Variants in SNAP91 observed in about 807,000 individuals in gnomAD.
SNAP91 encodes clathrin coat assembly protein AP180.
SNAP91 carries 27 observed loss-of-function variants against 100.3 expected under a neutral mutation model. The observed-to-expected ratio is 0.27, with a 90% CI of 0.20 to 0.37. SNAP91 has a LOEUF of 0.37. Among genes scored for constraint, SNAP91 ranks in the 10% least tolerant of loss-of-function variants. SNAP91 has a pLI of 1.00. For synonymous variants in SNAP91, 404 were observed against 398.6 expected (o/e 1.01, Z -0.16); for missense variants, 986 against 1,123.7 (o/e 0.88, Z 1.75).
chr6:83,590,929 A>T (rs1447820788), intron 22 of SNAP91, among the ~76,000 whole-genome samples: 3 of 152,066 alleles, frequency 2.0e-5, no homozygotes, highest in Non-Finnish European at 4.4e-5. Flanking sequence ...ATTATTTTTT[A>T]AAAACAATTT....
chr6:83,623,650 A>G (rs1319256961), intron 8 of SNAP91, among the ~76,000 whole-genome samples: 1 of 152,124 alleles, frequency 6.6e-6, no homozygotes, highest in East Asian at 1.9e-4. Context: ...TCAAAATGTA[A>G]AACACTGCTT....
chr6:83,580,615 A>T lies in SNAP91; in HGVS notation c.2150-16T>A. ...CCATCAAACACTGGAAATCAAATAG[A>T]CTAGGTTCAGAATAATTGAAAACAA... On this transcript the variant is annotated splice_polypyrimidine_tract_variant and intron_variant, in intron 23 of 29. Transcript: ENST00000369694. 6.3e-7 allele frequency: 1 copy of T among 1,593,378 alleles called. No individual in the cohort carries two copies. The highest frequency in any genetic ancestry group is 8.5e-7 in the Non-Finnish European group (1 of 1,171,896).
intron 26 of SNAP91, among the ~76,000 whole-genome samples, chr6:83,566,843 T>C (rs1230163881): frequency 6.6e-6 from 1 of 152,196 alleles, no homozygotes; most frequent in Non-Finnish European, 1.5e-5. Flanking sequence ...GGTCCTTCTA[T>C]TCTGATCAAC....
intron 12 of SNAP91, among the ~76,000 whole-genome samples, 159 bp downstream of exon 12, chr6:83,610,491 T>C (rs1271348483): frequency 4.7e-5 from 7 of 149,852 alleles, no homozygotes; most frequent in Admixed American, 2.7e-4. Context: ...ATGGTATAGT[T>C]ACAGTTTTGA....
intron 8 of SNAP91, among the ~76,000 whole-genome samples, chr6:83,638,858 C>T (rs1031639018): frequency 3.9e-5 from 6 of 152,114 alleles, no homozygotes; most frequent in East Asian, 1.9e-4. Context: ...CCTACGATTC[C>T]GATATCTACC....
chr6:83,570,409 G>A (rs1351245734), intron 26 of SNAP91, among the ~76,000 whole-genome samples: 11 of 152,198 alleles, frequency 7.2e-5, no homozygotes, highest in African/African-American at 7.2e-5. Flanking sequence ...ATTTTCTGAG[G>A]AGAAATTCAA....
chr6:83,708,819 G>A (rs2099416039), intron 1 of SNAP91, 26 bp downstream of exon 1: 1 of 152,054 alleles, frequency 6.6e-6, no homozygotes, highest in African/African-American at 2.4e-5. Flanking sequence ...GCGGGGAGGG[G>A]GCCGAGTACG....
chr6:83,624,584 G>T (rs947124553), intron 8 of SNAP91, among the ~76,000 whole-genome samples: 3 of 152,090 alleles, frequency 2.0e-5, no homozygotes, highest in Non-Finnish European at 4.4e-5. Context: ...GGGTTTCTCA[G>T]TCTTGGCACT....
chr6:83,613,684 A>C (rs933270810), intron 11 of SNAP91, among the ~76,000 whole-genome samples: 9 of 152,318 alleles, frequency 5.9e-5, no homozygotes, highest in Middle Eastern at 3.4e-3. Flanking sequence ...TCCACATTCC[A>C]ACCCCCAAAA....
chr6:83,628,098 C>T (rs569261936), intron 8 of SNAP91, among the ~76,000 whole-genome samples: 168 of 151,756 alleles, frequency 1.1e-3, no homozygotes, highest in African/African-American at 3.9e-3. Context: ...TAAGTGAGAA[C>T]ATATAATGTT....
intron 1 of SNAP91, 64 bp from the exon 2 acceptor site, chr6:83,708,021 G>A: frequency 2.2e-6 from 3 of 1,385,838 alleles, no homozygotes; most frequent in Non-Finnish European, 2.8e-6. Context: ...AAGCACCCAG[G>A]CCTTGCCTCC....
At chr6:83,642,197 A>G (rs914001193) in intron 7 of SNAP91, among the ~76,000 whole-genome samples, 8 of 151,478 alleles carry the variant, frequency 5.3e-5, no homozygotes, top group Non-Finnish European at 1.0e-4. Context: ...ATTTATATAT[A>G]TATTTATTAT....
At chr6:83,697,441 G>A (rs1252766952) in intron 2 of SNAP91, among the ~76,000 whole-genome samples, 2 of 151,796 alleles carry the variant, frequency 1.3e-5, no homozygotes. Flanking sequence ...TGTACTGAGA[G>A]AAGTCCACAT....
In SNAP91 at chr6:83,610,742, T is replaced by TAA. The variant is rs1214743909; in HGVS notation, c.885-66_885-65insTT. On this transcript the variant is annotated intron_variant, in intron 11 of 29. Coordinates refer to ENST00000369694, the MANE Select transcript of SNAP91 (RefSeq NM_001242792.2). ...ATATATATATATATATATATATATA[T>TAA]ATATAAATATATATGTGAATATATT... 4 of 155,110 alleles carry TAA rather than the reference T, an allele frequency of 2.6e-5. No individual in the cohort carries two copies. In the South Asian group the frequency reaches 8.3e-4, roughly 32 times the overall value. 9.6% of individuals were successfully genotyped at this position (155,110 alleles called of 1,614,324 possible).
chr6:83,655,412 C>T lies in SNAP91; in HGVS notation c.658+1342G>A, dbSNP rs142572611. Among the ~76,000 whole-genome samples the T allele has an allele frequency of 3.3e-5, 5 of 152,250 alleles. No homozygotes were observed. The East Asian group carries it at 9.6e-4, about 29-fold the overall frequency. ...GATGCCACGTGGGGCTCTGTTTCAG[C>T]AGATCTAAAGGTACTTAAAGTGTGT... On this transcript the variant is annotated intron_variant, in intron 7 of 29. Coordinates refer to ENST00000369694, the MANE Select transcript of SNAP91 (RefSeq NM_001242792.2).
At chr6:83,572,361 C>A (rs1476719842) in intron 26 of SNAP91, among the ~76,000 whole-genome samples, 1 of 152,184 alleles carries the variant, frequency 6.6e-6, no homozygotes, top group Non-Finnish European at 1.5e-5. Context: ...ATTCTCCCAC[C>A]TCAGCCTCCT....
At chr6:83,690,329 A>G in intron 2 of SNAP91, 1 of 1,261,776 alleles carries the variant, frequency 7.9e-7, no homozygotes, top group South Asian at 1.3e-5. Flanking sequence ...ACAACTTTTT[A>G]AAAGACTTGT....
chr6:83,602,839 C>T (rs1244009557), intron 14 of SNAP91, among the ~76,000 whole-genome samples: 2 of 151,988 alleles, frequency 1.3e-5, no homozygotes, highest in Non-Finnish European at 2.9e-5. Context: ...TAAAAACGTA[C>T]TCCCTGGGGC....
At position 83,560,215 on chromosome 6, in the gene SNAP91, A is replaced by C; in HGVS notation, c.2527-7T>G. The C allele has an allele frequency of 6.2e-7, 1 of 1,610,810 alleles. No homozygotes were observed. Among genetic ancestry groups the C allele is most frequent in the Non-Finnish European group, 8.5e-7 (1 of 1,177,338 alleles). On this transcript the variant is annotated splice_polypyrimidine_tract_variant and splice_region_variant and intron_variant, in intron 27 of 29. Coordinates refer to ENST00000369694, the MANE Select transcript of SNAP91 (RefSeq NM_001242792.2). Reference sequence around the variant, plus strand: ...TGCCTGTCCCAGCAGGAGGCTGAGGAGGAAGAATGGAGAGTGGTTCAGAGC... The same window carrying C: ...TGCCTGTCCCAGCAGGAGGCTGAGGCGGAAGAATGGAGAGTGGTTCAGAGC...
Sources: gnomAD v4.1 joint callset for allele counts (sites outside exome capture counted in the v4.1 genomes callset) on GRCh38, gnomAD v4.1.1 for gene constraint, MANE v1.5 for transcripts, NCBI Gene and HGNC (gene_info 2026-07-23, HGNC 2026-07-21) for gene names.